Variants in TMEM132D observed in about 807,000 individuals in gnomAD.
The protein encoded by TMEM132D is transmembrane protein 132D.
TMEM132D carries 21 observed loss-of-function variants against 62.3 expected under a neutral mutation model. The observed-to-expected ratio is 0.34, with a 90% CI of 0.24 to 0.49. The LOEUF (loss-of-function observed/expected upper bound fraction) is 0.49, where lower values mean the gene tolerates loss of function less well. TMEM132D is among the 20% of genes least tolerant of loss of function. The probability of loss-of-function intolerance (pLI) is 0.99; values close to 1 mark genes in which losing one functional copy is unlikely to be tolerated. For synonymous variants in TMEM132D, 621 were observed against 575.6 expected (o/e 1.08, Z -1.13); for missense variants, 1,346 against 1,402.8 (o/e 0.96, Z 0.65).
rs201110746 is a variant in TMEM132D, at chr12:129,673,519, G to GA, written c.968+26290dup. Among the ~76,000 whole-genome samples the GA allele has an allele frequency of 4.6e-3, 703 of 152,158 alleles. 3 individuals carry two copies. Among genetic ancestry groups the GA allele is most frequent in the African/African-American group, 0.016 (666 of 41,512 alleles). ...TGAAATTTCTGCTTGAAAGAAATCT[G>GA]AAAAAAATCAAACATCCGGGACTGA... On this transcript the variant is annotated intron_variant, in intron 2 of 8. Transcript: ENST00000422113.
In TMEM132D at chr12:129,747,348, G is replaced by A. The variant is rs149993299; in HGVS notation, c.80-46650C>T. Reference sequence around the variant, plus strand: ...ATTCTAAAGTCTCCTTCAGGACATTGCCCAATTGGTAGTTTCTCACTTTTA... The same window carrying A: ...ATTCTAAAGTCTCCTTCAGGACATTACCCAATTGGTAGTTTCTCACTTTTA... On this transcript the variant is annotated intron_variant, in intron 1 of 8. Transcript: ENST00000422113. 2.7e-3 allele frequency among the ~76,000 whole-genome samples: 411 copies of A among 152,016 alleles called. 4 individuals carry two copies. The highest frequency in any genetic ancestry group is 9.4e-3 in the African/African-American group (389 of 41,454).
intron 3 of TMEM132D, among the ~76,000 whole-genome samples, chr12:129,407,063 G>T (rs779268915): frequency 1.3e-5 from 2 of 152,162 alleles, no homozygotes; most frequent in African/African-American, 4.8e-5. Context: ...TTTAAACCAG[G>T]TTCCAACATT....
At chr12:129,902,398 C>T (rs1875390676) in intron 1 of TMEM132D, among the ~76,000 whole-genome samples, 1 of 152,222 alleles carries the variant, frequency 6.6e-6, no homozygotes, top group Non-Finnish European at 1.5e-5. Context: ...GGGGGAACCA[C>T]ACACAAGCAG....
intron 2 of TMEM132D, among the ~76,000 whole-genome samples, chr12:129,623,652 T>TATATATATATACATATATATACAC (rs1879130461): frequency 6.9e-6 from 1 of 145,506 alleles, no homozygotes; most frequent in Non-Finnish European, 1.5e-5. Context: ...TGTATGTGTG[T>TATATATATATACATATATATACAC]ATATATATAT....
At chr12:129,567,536 T>G (rs7958021) in intron 2 of TMEM132D, among the ~76,000 whole-genome samples, 15,394 of 152,258 alleles carry the variant, frequency 0.1, 1,071 homozygotes, top group Admixed American at 0.22. Context: ...TAACTATACT[T>G]CAATAAAAAC....
At chr12:129,424,850 TA>T (rs1872446952) in intron 3 of TMEM132D, among the ~76,000 whole-genome samples, 1 of 152,124 alleles carries the variant, frequency 6.6e-6, no homozygotes, top group Non-Finnish European at 1.5e-5. Flanking sequence ...AAAAAGACTT[TA>T]AACTCGTCAA....
At chr12:129,424,028 A>C (rs1179067647) in intron 3 of TMEM132D, among the ~76,000 whole-genome samples, 1 of 152,224 alleles carries the variant, frequency 6.6e-6, no homozygotes, top group Non-Finnish European at 1.5e-5. Context: ...CCGTTCAGCA[A>C]AGAAGCCTTT....
rs1870464465 is a variant in TMEM132D at position 129,763,865 on chromosome 12, A to G, written c.80-63167T>C. Among the ~76,000 whole-genome samples the G allele has an allele frequency of 2.0e-5, 3 of 152,180 alleles. No homozygotes were observed. The South Asian group carries it at 6.2e-4, about 32-fold the overall frequency. On this transcript the variant is annotated intron_variant, in intron 1 of 8. Transcript: ENST00000422113. Reference sequence around the variant, plus strand: ...AGCCGCAGGTGGAACGTAAGTGCTCAGGTAAAGGAACAGGAACCAAATTAA... The same window carrying G: ...AGCCGCAGGTGGAACGTAAGTGCTCGGGTAAAGGAACAGGAACCAAATTAA...
rs140504450 is a variant in TMEM132D, at chr12:129,734,535, C to G, written c.80-33837G>C. 5.5e-3 allele frequency among the ~76,000 whole-genome samples: 835 copies of G among 152,298 alleles called. 9 individuals carry two copies. The highest frequency in any genetic ancestry group is 0.019 in the African/African-American group (806 of 41,568). On this transcript the variant is annotated intron_variant, in intron 1 of 8. Transcript: ENST00000422113. ...ACTATAGAACTATGTTTAGATTACT[C>G]ATTGCTTCGAGTAACGCAATACTTT...
intron 1 of TMEM132D, among the ~76,000 whole-genome samples, chr12:129,724,940 A>C (rs1015902410): frequency 6.6e-6 from 1 of 152,196 alleles, no homozygotes. Flanking sequence ...TAGGTTGGGG[A>C]TCATGTGCCT....
At chr12:129,879,972 T>C (rs1442816954) in intron 1 of TMEM132D, among the ~76,000 whole-genome samples, 1 of 152,130 alleles carries the variant, frequency 6.6e-6, no homozygotes, top group African/African-American at 2.4e-5. Context: ...AAACATGTGA[T>C]GATTTTCCAA....
At chr12:129,844,504 G>T (rs1873296857) in intron 1 of TMEM132D, among the ~76,000 whole-genome samples, 1 of 152,192 alleles carries the variant, frequency 6.6e-6, no homozygotes, top group Non-Finnish European at 1.5e-5. Flanking sequence ...CACTATTAAA[G>T]ATTCCAGCAA....
At chr12:129,389,874 A>G (rs918221500) in intron 3 of TMEM132D, among the ~76,000 whole-genome samples, 2 of 152,236 alleles carry the variant, frequency 1.3e-5, no homozygotes, top group Admixed American at 1.3e-4. Context: ...GCTGACCAGG[A>G]GAGGAGTAAA....
At chr12:129,726,469 A>C (rs1424026367) in intron 1 of TMEM132D, among the ~76,000 whole-genome samples, 1 of 152,148 alleles carries the variant, frequency 6.6e-6, no homozygotes, top group Admixed American at 6.5e-5. Context: ...GCATGGTAAA[A>C]AGAGAATGTG....
At chr12:129,894,828 G>A (rs150916404) in intron 1 of TMEM132D, among the ~76,000 whole-genome samples, 214 of 151,846 alleles carry the variant, frequency 1.4e-3, no homozygotes, top group African/African-American at 4.9e-3. Flanking sequence ...CTTTTTACAC[G>A]TGTTCCTCTC....
intron 5 of TMEM132D, among the ~76,000 whole-genome samples, chr12:129,116,947 A>AAAAAAAAC (rs1875913016): frequency 7.9e-6 from 1 of 126,118 alleles, no homozygotes; most frequent in Non-Finnish European, 1.7e-5. Context: ...AAAAAAAAAA[A>AAAAAAAAC]TCTGTACGTG....
intron 4 of TMEM132D, among the ~76,000 whole-genome samples, chr12:129,332,426 C>A (rs146241727): frequency 6.6e-6 from 1 of 152,056 alleles, no homozygotes; most frequent in Non-Finnish European, 1.5e-5. Flanking sequence ...AAGCACCTGG[C>A]GGCATCTCAT....
rs184865525 is a variant in TMEM132D, at chr12:129,377,059, C to A, written c.1116-39242G>T. On this transcript the variant is annotated intron_variant, in intron 3 of 8. Coordinates refer to ENST00000422113, the MANE Select transcript of TMEM132D (RefSeq NM_133448.3). ...CCCAATTCATGAATTCCTGTTTTAG[C>A]AAACAAACTCTTTAAACATTGTATT... 2.3e-3 allele frequency among the ~76,000 whole-genome samples: 355 copies of A among 152,310 alleles called. 1 individual carries two copies. The highest frequency in any genetic ancestry group is 3.9e-3 in the Non-Finnish European group (263 of 68,018).
intron 5 of TMEM132D, among the ~76,000 whole-genome samples, chr12:129,191,639 T>A (rs1047670266): frequency 6.6e-6 from 1 of 151,786 alleles, no homozygotes; most frequent in Non-Finnish European, 1.5e-5. Context: ...TATATATGTA[T>A]ATTTATATAT....
Sources: allele counts gnomAD v4.1 joint callset (sites outside exome capture counted in the v4.1 genomes callset), GRCh38; gene constraint gnomAD v4.1.1; transcripts MANE v1.5; gene names NCBI Gene and HGNC (gene_info 2026-07-23, HGNC 2026-07-21).